The following PARVB variants were observed in gnomAD, a reference collection of about 807,000 sequenced individuals.
PARVB encodes the protein beta-parvin.
Under a neutral mutation model 47.0 loss-of-function variants are expected in PARVB, and 46 were observed. The observed-to-expected ratio is 0.98, with a 90% CI of 0.77 to 1.25. PARVB has a LOEUF of 1.25. Among genes scored for constraint, PARVB ranks in the 50% most tolerant of loss-of-function variants. The pLI, the probability that PARVB is intolerant of heterozygous loss-of-function variation, is 0.00. For synonymous variants in PARVB, 196 were observed against 196.3 expected, an observed-to-expected ratio of 1.00 and a Z score of 0.01; for missense variants, 473 against 471.6, an observed-to-expected ratio of 1.00 and a Z score of -0.03.
chr22:44,120,892 G>A (rs972690487), intron 4 of PARVB, among the ~76,000 whole-genome samples: 1 of 151,466 alleles, frequency 6.6e-6, no homozygotes, highest in Non-Finnish European at 1.5e-5. Flanking sequence ...CACCCAGGCT[G>A]GAGTGCAGTG....
At chr22:44,069,269 TG>T in intron 1 of PARVB, 1 of 1,014,420 alleles carries the variant, frequency 9.9e-7, no homozygotes, top group Non-Finnish European at 1.6e-6. Context: ...GAATGGACCC[TG>T]GGTGGCTGCT....
At chr22:44,121,711 CA>C (rs2053052158) in intron 4 of PARVB, among the ~76,000 whole-genome samples, 1 of 152,128 alleles carries the variant, frequency 6.6e-6, no homozygotes, top group Non-Finnish European at 1.5e-5. Context: ...CTCTTTAAGC[CA>C]AAAGAGGTAG....
At chr22:44,062,638 G>GA (rs751974344) in intron 1 of PARVB, among the ~76,000 whole-genome samples, 3,354 of 140,290 alleles carry the variant, frequency 0.024, 137 homozygotes, top group African/African-American at 0.08. Context: ...ACCCTGTCTG[G>GA]AAAAAAAAAA....
intron 1 of PARVB, among the ~76,000 whole-genome samples, chr22:44,062,618 C>T (rs117842353): frequency 6.7e-6 from 1 of 148,410 alleles, no homozygotes; most frequent in Non-Finnish European, 1.5e-5. Context: ...GCCTGAGCAA[C>T]AAGAGCAAAA....
intron 7 of PARVB, chr22:44,139,796 C>T (rs1421601075): frequency 1.8e-5 from 6 of 330,970 alleles, no homozygotes; most frequent in Admixed American, 1.2e-4. Flanking sequence ...GACCTGTTGT[C>T]TGCTGAAATC....
rs138236381 is a variant in PARVB, at chr22:44,064,086, G to A, written c.113-29842G>A. ...CATGCAAGGGCAGAGGGCTGGTGTTGGGGTGGTGCTGGGGCCTGGGGAGTG... is the reference window on the plus strand; with the variant it reads ...CATGCAAGGGCAGAGGGCTGGTGTTAGGGTGGTGCTGGGGCCTGGGGAGTG... On this transcript the variant is annotated intron_variant, in intron 1 of 12. Coordinates refer to ENST00000338758, the MANE Select transcript of PARVB (RefSeq NM_013327.5). Among the ~76,000 whole-genome samples the A allele has an allele frequency of 3.1e-3, 471 of 152,272 alleles. 2 individuals are homozygous for A. Among genetic ancestry groups the A allele is most frequent in the Middle Eastern group, 0.024 (7 of 294 alleles).
chr22:44,132,899 C>T lies in PARVB; in HGVS notation c.523C>T (p.His175Tyr). ...CTTCCTCCTTCCTCCTGCAGCAATT[C>T]ACGGGAAGAACCTGGTGGCCATCCT... The part of the protein sequence containing the change: ...WALRWSVDSI[H>Y]GKNLVAILHL... Residue 175 changes from histidine to tyrosine, a missense_variant, in exon 6 of 13, where the codon CAC becomes TAC. Transcript: ENST00000338758. 1 of 1,612,304 alleles carries T rather than the reference C, an allele frequency of 6.2e-7. No homozygotes were observed. Among genetic ancestry groups the T allele is most frequent in the South Asian group, 1.1e-5 (1 of 91,034 alleles).
chr22:44,166,301 G>T (rs1474910213), intron 12 of PARVB, among the ~76,000 whole-genome samples: 1 of 152,174 alleles, frequency 6.6e-6, no homozygotes, highest in Non-Finnish European at 1.5e-5. Flanking sequence ...GTAGAGATGG[G>T]GTTTCACCAT....
At chr22:44,098,434 G>A (rs2052360843) in intron 2 of PARVB, among the ~76,000 whole-genome samples, 1 of 152,158 alleles carries the variant, frequency 6.6e-6, no homozygotes, top group Non-Finnish European at 1.5e-5. Flanking sequence ...GGGAGAGAGT[G>A]TCAGACAGCG....
chr22:44,032,978 G>A (rs1038100659), intron 1 of PARVB, among the ~76,000 whole-genome samples: 9 of 152,222 alleles, frequency 5.9e-5, no homozygotes, highest in Non-Finnish European at 1.2e-4. Context: ...CCGTGCAACA[G>A]CTAGTTGGCT....
At chr22:44,115,203 C>G (rs2052848478) in intron 3 of PARVB, 1 of 76,766 alleles carries the variant, frequency 1.3e-5, no homozygotes, top group Admixed American at 1.2e-4. Flanking sequence ...AAGTAAGGCC[C>G]TGCACCAACA....
intron 1 of PARVB, among the ~76,000 whole-genome samples, chr22:44,082,661 G>A (rs770972539): frequency 1.6e-4 from 24 of 152,278 alleles, no homozygotes; most frequent in Admixed American, 9.2e-4. Flanking sequence ...TCCATGCCCC[G>A]GTTTCTCGCC....
chr22:44,134,438 C>T (rs2053398447), intron 6 of PARVB, among the ~76,000 whole-genome samples: 1 of 152,228 alleles, frequency 6.6e-6, no homozygotes. Context: ...CCTGTGCAGG[C>T]TCAGAAACTG....
intron 1 of PARVB, among the ~76,000 whole-genome samples, chr22:44,090,792 C>T (rs1206886753): frequency 1.3e-5 from 2 of 152,262 alleles, no homozygotes; most frequent in African/African-American, 2.4e-5. Context: ...ACCTCCCTGC[C>T]CCTGTTGTGT....
At chr22:44,168,250 G>C (rs1473790302) in intron 12 of PARVB, 1 of 223,168 alleles carries the variant, frequency 4.5e-6, no homozygotes, top group Non-Finnish European at 9.0e-6. Flanking sequence ...GGTCCATTAA[G>C]TGTTACTGGG....
intron 1 of PARVB, among the ~76,000 whole-genome samples, chr22:44,074,948 C>T (rs11703872): frequency 0.018 from 2,705 of 152,332 alleles, 26 homozygotes; most frequent in Middle Eastern, 0.058. Context: ...TCGGTGGGGA[C>T]GGGGCTTCCC....
intron 1 of PARVB, among the ~76,000 whole-genome samples, chr22:44,029,785 C>A (rs2050791837): frequency 6.6e-6 from 1 of 152,070 alleles, no homozygotes; most frequent in Non-Finnish European, 1.5e-5. Context: ...TGGCACACAC[C>A]TGTAATCCCA....
At chr22:44,115,568 A>G (rs1000989902) in intron 3 of PARVB, 3 of 57,466 alleles carry the variant, frequency 5.2e-5, no homozygotes, top group African/African-American at 3.2e-4. Context: ...TTACTAACTA[A>G]GGCCCTACAG....
chr22:44,085,165 C>T lies in PARVB; in HGVS notation c.113-8763C>T, dbSNP rs115304997. Among the ~76,000 whole-genome samples the T allele has an allele frequency of 7.1e-3, 1,085 of 152,252 alleles. 20 individuals carry two copies. The highest frequency in any genetic ancestry group is 0.025 in the African/African-American group (1,030 of 41,540). ...ATGCTGTATTTATTTTAAAGTGTCT[C>T]ACCATGTTGCCCAGGCTGGACTTGA... On this transcript the variant is annotated intron_variant, in intron 1 of 12. Transcript: ENST00000338758.
Sources: allele counts gnomAD v4.1 joint callset (sites outside exome capture counted in the v4.1 genomes callset), GRCh38; gene constraint gnomAD v4.1.1; transcripts MANE v1.5; gene names NCBI Gene and HGNC (gene_info 2026-07-23, HGNC 2026-07-21).